FANCI: variants seen among roughly 807,000 people sequenced by gnomAD.
The protein encoded by FANCI is FA complementation group I, also known as Fanconi anemia group I protein.
A neutral mutation model predicts 176.1 loss-of-function variants in FANCI; 156 were observed. That is an observed-to-expected ratio of 0.89 (90% CI 0.78 to 1.01). FANCI has a LOEUF of 1.01. FANCI is among the 50% of genes least tolerant of loss of function. FANCI has a pLI of 0.00. For synonymous variants in FANCI, 613 were observed against 541.7 expected (o/e 1.13, Z -1.83); for missense variants, 1,678 against 1,534.1 (o/e 1.09, Z -1.57).
At chr15:89,314,579 C>G in intron 35 of FANCI, 33 bp from the exon 36 acceptor site, 1 of 1,531,082 alleles carries the variant, frequency 6.5e-7, no homozygotes, top group Non-Finnish European at 9.1e-7. Context: ...ACCATTGAAC[C>G]TGAAATTTAA....
chr15:89,298,674 G>C (rs557520772), intron 24 of FANCI, among the ~76,000 whole-genome samples: 1 of 152,310 alleles, frequency 6.6e-6, no homozygotes, highest in South Asian at 2.1e-4. Context: ...CTGGTTCTTT[G>C]AGAAGATCAA....
At position 89,290,240 on chromosome 15, in the gene FANCI, T is replaced by C. The variant is rs780031757; in HGVS notation, c.1849T>C (p.Ser617Pro). 1.2e-6 allele frequency: 2 copies of C among 1,614,010 alleles called. No individual in the cohort carries two copies. Among genetic ancestry groups the C allele is most frequent in the Admixed American group, 1.7e-5 (1 of 60,026 alleles). ...GTTTTATGATGTTCTTCGAAGGAAC[T>C]CTCAGCTGGCTAATTCAGTCATGCA... The part of the protein sequence containing the change: ...EGFYDVLRRN[S>P]QLANSVMQTL... The change falls in exon 19 of 38, where the codon TCT (serine) becomes CCT (proline). Residue 617 changes from serine to proline, a missense_variant. By Grantham distance (74) the Ser-to-Pro change is moderately conservative. Coordinates refer to ENST00000310775, the MANE Select transcript of FANCI (RefSeq NM_001113378.2).
At chr15:89,268,285 G>C (rs2053055627) in intron 9 of FANCI, 114 bp from the exon 10 acceptor site, 1 of 1,068,006 alleles carries the variant, frequency 9.4e-7, no homozygotes, top group African/African-American at 1.6e-5. Flanking sequence ...AGTAGAGGCT[G>C]GTCTTGAACT....
chr15:89,268,368 A>G (rs781593517), intron 9 of FANCI, 31 bp from the exon 10 acceptor site: 5 of 1,613,556 alleles, frequency 3.1e-6, no homozygotes, highest in Non-Finnish European at 3.4e-6. Context: ...ACTGCACCTT[A>G]TAGCTCATAA....
chr15:89,252,433 A>G (rs2052297102), intron 2 of FANCI, among the ~76,000 whole-genome samples: 1 of 152,304 alleles, frequency 6.6e-6, no homozygotes, highest in African/African-American at 2.4e-5. Flanking sequence ...TAAAATTAAT[A>G]TGCAAAAATC....
chr15:89,297,931 G>C (rs2054371297), intron 24 of FANCI, among the ~76,000 whole-genome samples: 1 of 152,110 alleles, frequency 6.6e-6, no homozygotes, highest in South Asian at 2.1e-4. Context: ...CATATAAAAT[G>C]TTATGCTATT....
intron 2 of FANCI, among the ~76,000 whole-genome samples, chr15:89,252,052 C>T (rs998416566): frequency 2.6e-5 from 4 of 152,164 alleles, no homozygotes; most frequent in South Asian, 2.1e-4. Flanking sequence ...ATAATCCCAA[C>T]GCTTTGGGAG....
intron 18 of FANCI, among the ~76,000 whole-genome samples, chr15:89,289,448 G>A (rs1214196027): frequency 1.3e-5 from 2 of 151,998 alleles, no homozygotes; most frequent in Non-Finnish European, 2.9e-5. Flanking sequence ...GGGATCACAG[G>A]CGTGCATCAC....
intron 2 of FANCI, among the ~76,000 whole-genome samples, chr15:89,248,328 C>G (rs138756223): frequency 2.0e-5 from 3 of 152,296 alleles, no homozygotes; most frequent in African/African-American, 7.2e-5. Context: ...GGAAAAGAAT[C>G]CCTCTTCAAG....
At chr15:89,247,463 C>G (rs933840119) in intron 1 of FANCI, 166 bp from the exon 2 acceptor site, 6 of 619,962 alleles carry the variant, frequency 9.7e-6, no homozygotes, top group Non-Finnish European at 1.7e-5. Context: ...TGCCACTGAG[C>G]TTAAGAAGAA....
chr15:89,273,459 T>G lies in FANCI; in HGVS notation c.965T>G (p.Phe322Cys), dbSNP rs2053279704. Residue 322 changes from phenylalanine to cysteine, a missense_variant, in exon 11 of 38, where the codon TTT becomes TGT. Physicochemically the swap from Phe to Cys is radical, Grantham distance 205. Around this residue, in one of 3 missense-constraint regions of FANCI, gnomAD observed 469 missense variants for 436.9 expected, o/e 1.07. Coordinates refer to ENST00000310775, the MANE Select transcript of FANCI (RefSeq NM_001113378.2). ...CTGTCTGTAACAAGAATACAAAGAT[T>G]TCAGGACCAGGTATTTTTTTAAAAT... ...LLLSVTRIQR[F>C]QDQVLDLLKT... The G allele has an allele frequency of 6.3e-7, 1 of 1,575,514 alleles. No homozygotes were observed. Among genetic ancestry groups the G allele is most frequent in the Admixed American group, 1.7e-5 (1 of 59,374 alleles).
chr15:89,304,620 A>T (rs1359742691), intron 28 of FANCI, among the ~76,000 whole-genome samples: 2 of 152,164 alleles, frequency 1.3e-5, no homozygotes, highest in Non-Finnish European at 2.9e-5. Context: ...GCATGTGGAT[A>T]AAGAGGCATC....
rs757610698 is a variant in FANCI, at chr15:89,292,957, T to A, written c.2185T>A (p.Phe729Ile). The A allele has an allele frequency of 2.0e-5, 33 of 1,614,000 alleles. No homozygotes were observed. Among genetic ancestry groups the A allele is most frequent in the Non-Finnish European group, 2.6e-5 (31 of 1,180,018 alleles). Reference sequence around the variant, plus strand: ...TGTCTTTTAGGATAAATCAGCAGATTTTTCTCAGAGCACCAGTATTGGCAT... The same window carrying A: ...TGTCTTTTAGGATAAATCAGCAGATATTTCTCAGAGCACCAGTATTGGCAT... ...EDFELDKSAD[F>I]SQSTSIGIKN... Residue 729 changes from phenylalanine to isoleucine, a missense_variant, in exon 22 of 38, where the codon TTT (phenylalanine) becomes ATT (isoleucine). Phe to Ile is a conservative substitution (Grantham distance 21). Around this residue, in one of 3 missense-constraint regions of FANCI, gnomAD observed 1,204 missense variants for 1,077.4 expected, o/e 1.12. Coordinates refer to ENST00000310775, the MANE Select transcript of FANCI (RefSeq NM_001113378.2).
chr15:89,254,871 G>T (rs1596226973), intron 2 of FANCI, among the ~76,000 whole-genome samples: 1 of 152,282 alleles, frequency 6.6e-6, no homozygotes, highest in East Asian at 1.9e-4. Context: ...TGCTTACAGT[G>T]CAGGAGTTGG....
In FANCI at chr15:89,258,866, C is replaced by G. The variant is rs1596236769; in HGVS notation, c.157+90C>G. 15 of 956,966 alleles carry G rather than the reference C, an allele frequency of 1.6e-5. No homozygotes were observed. In the East Asian group the frequency reaches 3.6e-4, roughly 23 times the overall value. The allele number at this position is 956,966 out of a possible 1,614,324, so 59.3% of individuals were successfully genotyped here. A position where few individuals can be genotyped will look rare whatever the true frequency, so the allele number is the denominator to read the frequency against. ...GTACTTTTCTTACGGTTTGAAGCCCCACTGGAACATTTTCCATGTTTTGAG... is the reference window on the plus strand; with the variant it reads ...GTACTTTTCTTACGGTTTGAAGCCCGACTGGAACATTTTCCATGTTTTGAG... On this transcript the variant is annotated intron_variant, in intron 3 of 37. Coordinates refer to ENST00000310775, the MANE Select transcript of FANCI (RefSeq NM_001113378.2).
chr15:89,290,863 G>T (rs1250889939), intron 19 of FANCI, among the ~76,000 whole-genome samples: 2 of 151,976 alleles, frequency 1.3e-5, no homozygotes, highest in Non-Finnish European at 2.9e-5. Context: ...TAAAATTAAG[G>T]TCTCAGATGT....
chr15:89,291,544 C>T, intron 19 of FANCI, 69 bp from the exon 20 acceptor site: 1 of 1,218,788 alleles, frequency 8.2e-7, no homozygotes, highest in South Asian at 1.2e-5. Context: ...AGATACCTTT[C>T]ACCTGAGAAG....
chr15:89,278,604 T>A, intron 13 of FANCI, 83 bp from the exon 14 acceptor site: 1 of 989,770 alleles, frequency 1.0e-6, no homozygotes, highest in Admixed American at 1.7e-5. Context: ...TCCAAACGGT[T>A]CTTCATGCTG....
intron 4 of FANCI, 100 bp from the exon 5 acceptor site, chr15:89,261,485 C>G: frequency 7.0e-7 from 1 of 1,435,338 alleles, no homozygotes; most frequent in Non-Finnish European, 9.8e-7. Flanking sequence ...TTCTGGATCT[C>G]GGTCAATTCA....
Sources: allele counts gnomAD v4.1 joint callset (sites outside exome capture counted in the v4.1 genomes callset), GRCh38; gene constraint gnomAD v4.1.1; regional missense constraint gnomAD v4.1.1; transcripts MANE v1.5; gene names NCBI Gene and HGNC (gene_info 2026-07-23, HGNC 2026-07-21).